The following ACSM4 variants were observed in gnomAD, a reference collection of about 807,000 sequenced individuals.
The protein encoded by ACSM4 is acyl-CoA synthetase medium chain family member 4.
A neutral mutation model predicts 73.0 loss-of-function variants in ACSM4; 66 were observed. The ratio of observed to expected loss-of-function variants is 0.90; its 90% CI spans 0.74 to 1.11. The LOEUF is 1.11. Ranked by LOEUF, ACSM4 falls within the 50% of genes least tolerant of loss-of-function variation. ACSM4 has a pLI of 0.00. For missense variants in ACSM4, 645 were observed against 714.4 expected, an observed-to-expected ratio of 0.90 and a Z score of 1.11; for synonymous variants, 222 against 254.0, an observed-to-expected ratio of 0.87 and a Z score of 1.20.
rs367918579 is a variant in ACSM4, at chr12:7,306,083, T to G, written c.202-450T>G. Among the ~76,000 whole-genome samples, 47 of 152,252 alleles carry G rather than the reference T, an allele frequency of 3.1e-4. No homozygotes were observed. In the South Asian group the frequency reaches 9.1e-3, roughly 30 times the overall value. On this transcript the variant is annotated intron_variant, in intron 1 of 12. Transcript: ENST00000399422. ...TTATTTGGATGGGAAAGAATCTAAT[T>G]TAAGCAAGAAAGAAATTTATTCAAG...
chr12:7,322,181 C>T (rs1946468680), intron 6 of ACSM4, among the ~76,000 whole-genome samples: 1 of 152,172 alleles, frequency 6.6e-6, no homozygotes, highest in Non-Finnish European at 1.5e-5. Flanking sequence ...GCTAAGTTCT[C>T]CTCCACCTGC....
chr12:7,325,839 C>T (rs1346379819), intron 11 of ACSM4, among the ~76,000 whole-genome samples: 2 of 152,132 alleles, frequency 1.3e-5, no homozygotes, highest in Non-Finnish European at 2.9e-5. Flanking sequence ...AATTTCAAAA[C>T]AATTTGTCAG....
Position 7,328,041 on chromosome 12 carries a change from G to C in ACSM4, c.1657-246G>C, listed in dbSNP as rs142274853. Among the ~76,000 whole-genome samples, 146 of 152,244 alleles carry C rather than the reference G, an allele frequency of 9.6e-4. 1 individual carries two copies. Among genetic ancestry groups the C allele is most frequent in the African/African-American group, 3.2e-3 (135 of 41,568 alleles). On this transcript the variant is annotated intron_variant, in intron 12 of 12. Coordinates refer to ENST00000399422, the MANE Select transcript of ACSM4 (RefSeq NM_001080454.2). ...AACTAGGGGAAAGCAATGGGGTAAA[G>C]GGATTATTACTTTCTTCTGGCAAAG...
Position 7,317,181 on chromosome 12 carries a change from A to C in ACSM4, c.665A>C (p.Glu222Ala). Residue 222 changes from glutamate to alanine, a missense_variant, in exon 4 of 13, where the codon GAA (glutamate) becomes GCA (alanine). Transcript: ENST00000399422. ...EHSCVETGSQ[E>A]PMTIYFTSGT... ...AGCTGTGTGGAAACAGGAAGTCAAG[A>C]ACCAATGACCATTTATTTCACCAGT... The C allele has an allele frequency of 6.2e-7, 1 of 1,613,042 alleles. No homozygotes were observed. Among genetic ancestry groups the C allele is most frequent in the Non-Finnish European group, 8.5e-7 (1 of 1,179,566 alleles).
At chr12:7,317,631 GAAAT>G (rs1245830575) in intron 4 of ACSM4, among the ~76,000 whole-genome samples, 3 of 152,092 alleles carry the variant, frequency 2.0e-5, no homozygotes, top group African/African-American at 7.2e-5. Flanking sequence ...TATACTACTT[GAAAT>G]AATTACATTT....
chr12:7,306,847 CA>C (rs59277746), intron 2 of ACSM4, 104 bp downstream of exon 2: 178,729 of 483,912 alleles, frequency 0.37, 10,868 homozygotes, highest in Non-Finnish European at 0.39. Context: ...ATACAGAAGA[CA>C]AAAAAAAAAA....
At chr12:7,305,346 T>C (rs778721283) in intron 1 of ACSM4, among the ~76,000 whole-genome samples, 1 of 152,344 alleles carries the variant, frequency 6.6e-6, no homozygotes, top group African/African-American at 2.4e-5. Context: ...TGATTAAATA[T>C]ATATTCCTTC....
At chr12:7,313,411 C>T (rs1184185785) in intron 3 of ACSM4, among the ~76,000 whole-genome samples, 1 of 152,126 alleles carries the variant, frequency 6.6e-6, no homozygotes, top group Non-Finnish European at 1.5e-5. Context: ...CGTCTCATTG[C>T]CAACAGTTGG....
At position 7,328,702 on chromosome 12, in the gene ACSM4, C is replaced by T. The variant is rs1219063299; in HGVS notation, c.*329C>T. The stretch of plus-strand genomic sequence containing the variant: ...TCATTTACCTTGTGCCTGATTGATT[C>T]AAAATAAACATATATCCTAAGAGAA... On this transcript the variant is annotated 3_prime_UTR_variant, in exon 13 of 13. Transcript: ENST00000399422. 1.8e-5 allele frequency: 3 copies of T among 164,234 alleles called. No homozygotes were observed. Among genetic ancestry groups the T allele is most frequent in the African/African-American group, 7.2e-5 (3 of 41,532 alleles). The allele number at this position is 164,234 out of a possible 1,614,324, so 10.2% of individuals were successfully genotyped here.
chr12:7,310,718 G>A lies in ACSM4; in HGVS notation c.592G>A (p.Gly198Arg). 2 of 1,613,378 alleles carry A rather than the reference G, an allele frequency of 1.2e-6. No homozygotes were observed. The highest frequency in any genetic ancestry group is 2.7e-5 in the African/African-American group (2 of 75,036). ...KLLVSPQSWN[G>R]WLSFQELFQF... ...CCTGGTGTCTCCACAAAGCTGGAAT[G>A]GGTGGCTCAGCTTCCAGGAGTTATT... Residue 198 changes from glycine to arginine, a missense_variant, in exon 3 of 13, where the codon GGG becomes AGG. Gly to Arg is a moderately radical substitution (Grantham distance 125, BLOSUM62 -2). Transcript: ENST00000399422.
In ACSM4 at chr12:7,323,440, A is replaced by G. The variant is rs547283562; in HGVS notation, c.1207-19A>G. 104 of 1,612,206 alleles carry G rather than the reference A, an allele frequency of 6.5e-5. 1 individual carries two copies. The South Asian group carries it at 1.0e-3, about 16-fold the overall frequency. ...TGAAAAGAAAATTTTAAGACCATCA[A>G]TTATTTCTTTCATTCCAGATTATAG... On this transcript the variant is annotated intron_variant, in intron 8 of 12. Transcript: ENST00000399422.
chr12:7,309,083 C>T (rs1039658847), intron 2 of ACSM4, among the ~76,000 whole-genome samples: 2 of 152,236 alleles, frequency 1.3e-5, no homozygotes, highest in African/African-American at 4.8e-5. Context: ...CCCAATAATT[C>T]ACTTTAGAAA....
chr12:7,323,480 G>A lies in ACSM4; in HGVS notation c.1228G>A (p.Val410Ile). Residue 410 changes from valine (V) to isoleucine (I), a missense_variant, in exon 9 of 13, where the codon GTT becomes ATT. By Grantham distance (29) the Val-to-Ile change is conservative. Coordinates refer to ENST00000399422, the MANE Select transcript of ACSM4 (RefSeq NM_001080454.2). ...DVQIIDENGN[V>I]LPPGKEGEIA... Reference sequence around the variant, plus strand: ...CCAGATTATAGATGAAAATGGCAATGTTCTACCACCTGGCAAAGAAGGGGA... The same window carrying A: ...CCAGATTATAGATGAAAATGGCAATATTCTACCACCTGGCAAAGAAGGGGA... 6.2e-7 allele frequency: 1 copy of A among 1,613,862 alleles called. No homozygotes were observed. The highest frequency in any genetic ancestry group is 8.5e-7 in the Non-Finnish European group (1 of 1,179,816).
intron 11 of ACSM4, among the ~76,000 whole-genome samples, chr12:7,324,898 G>GT (rs1385617366): frequency 6.6e-6 from 1 of 151,610 alleles, no homozygotes; most frequent in Non-Finnish European, 1.5e-5. Flanking sequence ...ACATCCAAAG[G>GT]TTCATGTGAG....
intron 5 of ACSM4, among the ~76,000 whole-genome samples, chr12:7,319,780 C>T (rs1409466603): frequency 1.3e-5 from 2 of 152,064 alleles, no homozygotes; most frequent in Non-Finnish European, 2.9e-5. Flanking sequence ...GAGATCTCTA[C>T]ATCAGGTTTA....
At chr12:7,318,499 C>T (rs1946437495) in intron 5 of ACSM4, 2 of 236,964 alleles carry the variant, frequency 8.4e-6, no homozygotes, top group Admixed American at 1.1e-4. Context: ...TAAACAAATA[C>T]TTCATTTCTA....
chr12:7,306,453 G>A, intron 1 of ACSM4, 80 bp from the exon 2 acceptor site: 2 of 1,375,266 alleles, frequency 1.5e-6, no homozygotes, highest in Non-Finnish European at 1.0e-6. Context: ...AGTGCCAAAG[G>A]GGGAAAACAG....
rs1946369342 is a variant in ACSM4 at position 7,307,660 on chromosome 12, C to T, written c.412+917C>T. Reference sequence around the variant, plus strand: ...AATTCCAACAGGATTTTGTTCCACTCTAGGACAGGAGTTAGCAAGCCATGG... The same window carrying T: ...AATTCCAACAGGATTTTGTTCCACTTTAGGACAGGAGTTAGCAAGCCATGG... On this transcript the variant is annotated intron_variant, in intron 2 of 12. Coordinates refer to ENST00000399422, the MANE Select transcript of ACSM4 (RefSeq NM_001080454.2). Among the ~76,000 whole-genome samples, 4 of 152,172 alleles carry T rather than the reference C, an allele frequency of 2.6e-5. No individual in the cohort carries two copies. The South Asian group carries it at 8.3e-4, about 31-fold the overall frequency.
chr12:7,317,468 G>A (rs11050598), intron 4 of ACSM4, among the ~76,000 whole-genome samples, 188 bp downstream of exon 4: 8,934 of 152,204 alleles, frequency 0.059, 401 homozygotes, highest in Non-Finnish European at 0.089. Context: ...AGCTGATTAA[G>A]CAAAAGCTTA....
Sources: allele counts gnomAD v4.1 joint callset (sites outside exome capture counted in the v4.1 genomes callset), GRCh38; gene constraint gnomAD v4.1.1; transcripts MANE v1.5; gene names NCBI Gene and HGNC (gene_info 2026-07-23, HGNC 2026-07-21).